Variants in LZTS1 observed in about 807,000 individuals in gnomAD.
LZTS1 encodes the protein leucine zipper putative tumor suppressor 1.
A neutral mutation model predicts 45.8 loss-of-function variants in LZTS1; 31 were observed. The observed-to-expected ratio is 0.68, with a 90% CI of 0.51 to 0.91. The LOEUF (loss-of-function observed/expected upper bound fraction) is 0.91. LZTS1 is among the 40% of genes least tolerant of loss of function. The probability of loss-of-function intolerance (pLI) is 0.00; values close to 1 mark genes in which losing one functional copy is unlikely to be tolerated. For synonymous variants in LZTS1, 359 were observed against 357.3 expected (o/e 1.00, Z -0.05); for missense variants, 821 against 788.9 (o/e 1.04, Z -0.49).
Position 20,254,903 on chromosome 8 carries a change from C to G in LZTS1, c.279G>C (p.Gln93His). ...TALSSGDLGG[Q>H]AGVDFDPSTP... ...TGGACGGGTCAAAGTCCACCCCAGC[C>G]TGGCCCCCTAAATCCCCGCTGGACA... The change falls in exon 2 of 4, where the codon CAG (glutamine) becomes CAC (histidine). Residue 93 changes from glutamine (Q) to histidine (H), a missense_variant. Gln to His is a conservative substitution (Grantham distance 24, BLOSUM62 0). Transcript: ENST00000381569. The G allele has an allele frequency of 6.2e-7, 1 of 1,614,224 alleles. No homozygotes were observed. The highest frequency in any genetic ancestry group is 8.5e-7 in the Non-Finnish European group (1 of 1,180,048).
intron 1 of LZTS1, among the ~76,000 whole-genome samples, chr8:20,297,527 G>A (rs536891356): frequency 3.3e-5 from 5 of 152,184 alleles, no homozygotes; most frequent in South Asian, 2.1e-4. Context: ...CAATTCTCCC[G>A]CCTCAGCCTC....
intron 1 of LZTS1, among the ~76,000 whole-genome samples, chr8:20,300,110 C>T (rs1183953353): frequency 6.6e-6 from 1 of 152,046 alleles, no homozygotes; most frequent in African/African-American, 2.4e-5. Flanking sequence ...GTTGGTGGGG[C>T]CTGAGATGGC....
At chr8:20,260,089 CAG>C (rs1460423109) in intron 1 of LZTS1, among the ~76,000 whole-genome samples, 1 of 152,094 alleles carries the variant, frequency 6.6e-6, no homozygotes, top group Non-Finnish European at 1.5e-5. Flanking sequence ...TTTGTAGAGA[CAG>C]GGGTCTCGCT....
chr8:20,297,991 A>G (rs565722279), intron 1 of LZTS1, among the ~76,000 whole-genome samples: 68 of 152,272 alleles, frequency 4.5e-4, no homozygotes, highest in Non-Finnish European at 8.4e-4. Context: ...GGGACTCAGA[A>G]CAGCTGGTGT....
chr8:20,297,867 T>C (rs1260611670), intron 1 of LZTS1, among the ~76,000 whole-genome samples: 1 of 152,158 alleles, frequency 6.6e-6, no homozygotes, highest in East Asian at 1.9e-4. Flanking sequence ...AACTGCATTC[T>C]TATAATTTTA....
At chr8:20,254,734 A>T (rs1800046522) in intron 2 of LZTS1, 103 bp downstream of exon 2, 1 of 954,520 alleles carries the variant, frequency 1.0e-6, no homozygotes, top group South Asian at 1.7e-5. Context: ...AGGAGTCTGA[A>T]TGCTCAGGTC....
chr8:20,301,120 C>CAAAAA (rs71222143), intron 1 of LZTS1, among the ~76,000 whole-genome samples: 2 of 107,152 alleles, frequency 1.9e-5, no homozygotes, highest in African/African-American at 3.6e-5. Flanking sequence ...GACTCCGTCT[C>CAAAAA]AAAAAAAAAA....
chr8:20,278,947 C>A (rs1037119451), intron 1 of LZTS1, among the ~76,000 whole-genome samples: 16 of 152,196 alleles, frequency 1.1e-4, no homozygotes, highest in African/African-American at 3.9e-4. Context: ...GGGTCCCAAC[C>A]CCAATTGCCA....
At chr8:20,298,303 A>G (rs1320843012) in intron 1 of LZTS1, among the ~76,000 whole-genome samples, 2 of 151,984 alleles carry the variant, frequency 1.3e-5, no homozygotes, top group Non-Finnish European at 2.9e-5. Flanking sequence ...CTCAGATGAT[A>G]AGCCCACCTC....
intron 2 of LZTS1, 74 bp from the exon 3 acceptor site, chr8:20,253,659 G>T (rs915141510): frequency 2.4e-6 from 3 of 1,243,536 alleles, no homozygotes; most frequent in East Asian, 2.6e-5. Context: ...CCAGGCACGC[G>T]TGCCGACCTT....
At chr8:20,303,124 G>A (rs1462158349) in intron 1 of LZTS1, among the ~76,000 whole-genome samples, 5 of 152,090 alleles carry the variant, frequency 3.3e-5, no homozygotes, top group Non-Finnish European at 5.9e-5. Flanking sequence ...ATCCAGGACC[G>A]ACCCCAGGAA....
At chr8:20,288,085 C>T (rs1055936465) in intron 1 of LZTS1, among the ~76,000 whole-genome samples, 6 of 152,068 alleles carry the variant, frequency 3.9e-5, no homozygotes, top group Admixed American at 3.3e-4. Context: ...GCAATCCTGT[C>T]TCCTGCTCCG....
In LZTS1 at chr8:20,294,688, G is replaced by T. The variant is rs558289806; in HGVS notation, c.-135+9052C>A. ...CCTTGCACTGTGGAAATGCCCTTTG[G>T]GGGTGGCGGGGAGCAGGGAAGAGCT... On this transcript the variant is annotated intron_variant, in intron 1 of 3. Coordinates refer to ENST00000381569, the MANE Select transcript of LZTS1 (RefSeq NM_021020.5). Among the ~76,000 whole-genome samples, 9 of 152,272 alleles carry T rather than the reference G, an allele frequency of 5.9e-5. No individual in the cohort carries two copies. The South Asian group carries it at 1.4e-3, about 25-fold the overall frequency.
At chr8:20,276,512 G>T (rs565653679) in intron 1 of LZTS1, among the ~76,000 whole-genome samples, 1 of 152,316 alleles carries the variant, frequency 6.6e-6, no homozygotes, top group East Asian at 1.9e-4. Context: ...AGGGTGGCGT[G>T]CCCAGAGAGG....
chr8:20,252,216 G>C (rs1799942619), intron 3 of LZTS1, among the ~76,000 whole-genome samples: 1 of 152,142 alleles, frequency 6.6e-6, no homozygotes, highest in African/African-American at 2.4e-5. Context: ...GAGTGTGTAA[G>C]TGTGTGAGTG....
At chr8:20,259,269 G>A (rs1166595128) in intron 1 of LZTS1, among the ~76,000 whole-genome samples, 1 of 152,058 alleles carries the variant, frequency 6.6e-6, no homozygotes, top group Non-Finnish European at 1.5e-5. Context: ...TTAGGGAGCC[G>A]AAACAAACAG....
At position 20,303,759 on chromosome 8, in the gene LZTS1, C is replaced by A. The variant is rs1801123962; in HGVS notation, c.-154G>T. 3.0e-6 allele frequency: 3 copies of A among 984,870 alleles called. No homozygotes were observed. Among genetic ancestry groups the A allele is most frequent in the Non-Finnish European group, 3.6e-6 (3 of 830,068 alleles). The allele number at this position is 984,870 out of a possible 1,614,324, so 61.0% of individuals were successfully genotyped here. ...CCTTACCTGCCCCCTGCGCCTCGGGCGCACTTGAGACTTTTTTTTTTTCCC... is the reference window on the plus strand; with the variant it reads ...CCTTACCTGCCCCCTGCGCCTCGGGAGCACTTGAGACTTTTTTTTTTTCCC... On this transcript the variant is annotated 5_prime_UTR_variant, in exon 1 of 4. Transcript: ENST00000381569.
chr8:20,257,220 C>T (rs975773393), intron 1 of LZTS1, among the ~76,000 whole-genome samples: 4 of 152,060 alleles, frequency 2.6e-5, no homozygotes, highest in Non-Finnish European at 4.4e-5. Flanking sequence ...GCAAATTGGG[C>T]ATGGTGGCAC....
chr8:20,250,493 T>TCA, intron 3 of LZTS1, 130 bp from the exon 4 acceptor site: 1 of 834,518 alleles, frequency 1.2e-6, no homozygotes, highest in Non-Finnish European at 1.8e-6. Context: ...TTCCAGCCTT[T>TCA]GTCCAATCTG....
Sources: allele counts gnomAD v4.1 joint callset (sites outside exome capture counted in the v4.1 genomes callset), GRCh38; gene constraint gnomAD v4.1.1; transcripts MANE v1.5; gene names NCBI Gene and HGNC (gene_info 2026-07-23, HGNC 2026-07-21).